ZFC3H1: variants seen among roughly 807,000 people sequenced by gnomAD.
The protein encoded by ZFC3H1 is zinc finger C3H1-type containing, also known as zinc finger C3H1 domain-containing protein.
ZFC3H1 carries 71 observed loss-of-function variants against 243.7 expected under a neutral mutation model. The ratio of observed to expected loss-of-function variants is 0.29; its 90% CI spans 0.24 to 0.36. ZFC3H1 has a LOEUF of 0.36. ZFC3H1 is among the 10% of genes least tolerant of loss of function. ZFC3H1 has a pLI of 1.00. For missense variants in ZFC3H1, 1,966 were observed against 2,317.1 expected (o/e 0.85, Z 3.11); for synonymous variants, 838 against 813.0 (o/e 1.03, Z -0.52).
chr12:71,628,733 G>A (rs1291336184), intron 20 of ZFC3H1, among the ~76,000 whole-genome samples, 185 bp downstream of exon 20: 1 of 152,090 alleles, frequency 6.6e-6, no homozygotes, highest in African/African-American at 2.4e-5. Flanking sequence ...CAAATATCCC[G>A]CAATTTCAGA....
At position 71,663,520 on chromosome 12, in the gene ZFC3H1, C is replaced by T. The variant is rs773825386; in HGVS notation, c.91G>A (p.Asp31Asn). The T allele has an allele frequency of 6.2e-6, 10 of 1,613,610 alleles. No homozygotes were observed. The highest frequency in any genetic ancestry group is 1.7e-5 in the Admixed American group (1 of 60,036). Residue 31 changes from aspartate to asparagine, a missense_variant, in exon 1 of 35, where the codon GAT (aspartate) becomes AAT (asparagine). Asp to Asn is a conservative substitution (Grantham distance 23, BLOSUM62 1). Around this residue, in one of 4 missense-constraint regions of ZFC3H1, gnomAD observed 484 missense variants for 449.7 expected, o/e 1.08. Transcript: ENST00000378743. ...CGACTCCGTATCTGGCTGTTATTAT[C>T]GTCGTCACTGATTTCCCCATCTTCA... Reference protein sequence around the residue: ...ELEDGEISDDDNNSQIRSRSS... With the variant: ...ELEDGEISDDNNNSQIRSRSS...
At chr12:71,631,057 A>G (rs1880309933) in intron 16 of ZFC3H1, 103 bp from the exon 17 acceptor site, 2 of 1,195,874 alleles carry the variant, frequency 1.7e-6, no homozygotes, top group Admixed American at 2.8e-5. Flanking sequence ...TTCCATGCTT[A>G]CTATTTATGA....
intron 2 of ZFC3H1, chr12:71,656,522 C>A: frequency 1.5e-6 from 1 of 659,002 alleles, no homozygotes; most frequent in Non-Finnish European, 2.7e-6. Context: ...AATTTCAAAC[C>A]AGGAATAGGA....
In ZFC3H1 at chr12:71,627,784, T is replaced by A; in HGVS notation, c.4097A>T (p.Lys1366Met). 6.2e-7 allele frequency: 1 copy of A among 1,613,436 alleles called. No homozygotes were observed. The highest frequency in any genetic ancestry group is 8.5e-7 in the Non-Finnish European group (1 of 1,179,752). Residue 1366 changes from lysine to methionine, a missense_variant, in exon 21 of 35, where the codon AAG becomes ATG. Physicochemically the swap from Lys to Met is moderately conservative, Grantham distance 95. This residue lies in a region of ZFC3H1 where 1,383 missense variants were observed against 1,723.7 expected (regional missense o/e 0.80). Coordinates refer to ENST00000378743, the MANE Select transcript of ZFC3H1 (RefSeq NM_144982.5). Reference protein sequence around the residue: ...ENPSHVQLWLKLAYKYLNQNE... With the variant: ...ENPSHVQLWLMLAYKYLNQNE... ...TTGATTCAAGTACTTGTACGCAAGC[T>A]TGAGCCAAAGTTGTACATGAGAAGG... is the stretch of plus-strand genomic sequence containing the variant.
In ZFC3H1 at chr12:71,636,992, A is replaced by G; in HGVS notation, c.1793T>C (p.Leu598Pro). 6.2e-7 allele frequency: 1 copy of G among 1,614,030 alleles called. No homozygotes were observed. Among genetic ancestry groups the G allele is most frequent in the Non-Finnish European group, 8.5e-7 (1 of 1,179,944 alleles). Residue 598 changes from leucine (L) to proline (P), a missense_variant, in exon 8 of 35, where the codon CTA (leucine) becomes CCA (proline). Transcript: ENST00000378743. Reference protein sequence around the residue: ...LCVSLEPLPPLPPLPPLPPED... With the variant: ...LCVSLEPLPPPPPLPPLPPED... ...AGGTGGGAGAGGTGGTAATGGTGGT[A>G]GAGGAGGTAGAGGTTCAAGAGAAAC...
At position 71,663,787 on chromosome 12, in the gene ZFC3H1, C is replaced by G; in HGVS notation, c.-177G>C. On this transcript the variant is annotated 5_prime_UTR_variant, in exon 1 of 35. Coordinates refer to ENST00000378743, the MANE Select transcript of ZFC3H1 (RefSeq NM_144982.5). The stretch of plus-strand genomic sequence containing the variant: ...CCCCAGCACCCCAGCTCTCTCTCGC[C>G]GGACCGTCGCAACCCAGTTCCCTTT... The G allele has an allele frequency of 1.4e-6, 1 of 692,394 alleles. No individual in the cohort carries two copies. The highest frequency in any genetic ancestry group is 1.9e-5 in the South Asian group (1 of 52,682). 42.9% of individuals were successfully genotyped at this position (692,394 alleles called of 1,614,324 possible).
At chr12:71,643,350 T>G (rs1189406847) in intron 5 of ZFC3H1, among the ~76,000 whole-genome samples, 1 of 151,596 alleles carries the variant, frequency 6.6e-6, no homozygotes, top group African/African-American at 2.4e-5. Context: ...GAGGTGGAGG[T>G]TGCAGTGAGC....
At position 71,613,395 on chromosome 12, in the gene ZFC3H1, T is replaced by C; in HGVS notation, c.5567A>G (p.His1856Arg). ...ACAAAACCGTTCCAAGGTTTTGGAATGCTGGGTCTTTGGAACACAGCTCAA... is the reference window on the plus strand; with the variant it reads ...ACAAAACCGTTCCAAGGTTTTGGAACGCTGGGTCTTTGGAACACAGCTCAA... ...FYLSCVPKTQ[H>R]SKTLERFCSV... Residue 1856 changes from histidine to arginine, a missense_variant, in exon 31 of 35, where the codon CAT (histidine) becomes CGT (arginine). By Grantham distance (29) the His-to-Arg change is conservative (BLOSUM62 0). Coordinates refer to ENST00000378743, the MANE Select transcript of ZFC3H1 (RefSeq NM_144982.5). 1 of 1,610,344 alleles carries C rather than the reference T, an allele frequency of 6.2e-7. No homozygotes were observed. Among genetic ancestry groups the C allele is most frequent in the Non-Finnish European group, 8.5e-7 (1 of 1,177,674 alleles).
At position 71,662,903 on chromosome 12, in the gene ZFC3H1, G is replaced by A. The variant is rs530308445; in HGVS notation, c.598+110C>T. On this transcript the variant is annotated intron_variant, in intron 1 of 34. Transcript: ENST00000378743. ...AACTTAAAGTATACTGACACAGGGA[G>A]AAATAAGCGGTTCTGATGATTCAAA... 1.0e-5 allele frequency: 11 copies of A among 1,093,724 alleles called. No individual in the cohort carries two copies. The African/African-American group carries it at 1.6e-4, about 16-fold the overall frequency. 67.8% of individuals were successfully genotyped at this position (1,093,724 alleles called of 1,614,324 possible).
rs566085973 is a variant in ZFC3H1, at chr12:71,611,104, G to GAA, written c.5730-9_5730-8dup. ...AATCTCAGCAGCAATGGCTCTAAGAGAAAAAAAAAAAAAAAGAAATATAGA... is the reference window on the plus strand; with the variant it reads ...AATCTCAGCAGCAATGGCTCTAAGAGAAAAAAAAAAAAAAAAAGAAATATAGA... On this transcript the variant is annotated splice_polypyrimidine_tract_variant and splice_region_variant and intron_variant, in intron 32 of 34. Coordinates refer to ENST00000378743, the MANE Select transcript of ZFC3H1 (RefSeq NM_144982.5). 0.061 allele frequency: 75,177 copies of GAA among 1,240,658 alleles called. 23 individuals are homozygous for GAA. Among genetic ancestry groups the GAA allele is most frequent in the Non-Finnish European group, 0.068 (64,169 of 949,224 alleles). The allele number at this position is 1,240,658 out of a possible 1,614,324, so 76.9% of individuals were successfully genotyped here.
At chr12:71,642,014 G>A (rs1180308294) in intron 6 of ZFC3H1, among the ~76,000 whole-genome samples, 6 of 151,916 alleles carry the variant, frequency 3.9e-5, no homozygotes, top group African/African-American at 7.3e-5. Context: ...CACACCCAGC[G>A]AATTTTTGTA....
At chr12:71,635,339 G>A in intron 10 of ZFC3H1, 104 bp downstream of exon 10, 1 of 1,379,748 alleles carries the variant, frequency 7.2e-7, no homozygotes, top group Non-Finnish European at 9.7e-7. Flanking sequence ...ACAAATCAAT[G>A]TTATTAAAAA....
chr12:71,638,222 T>C (rs542703370), intron 7 of ZFC3H1, among the ~76,000 whole-genome samples, 196 bp downstream of exon 7: 59 of 152,276 alleles, frequency 3.9e-4, no homozygotes, highest in African/African-American at 1.4e-3. Context: ...AAATTAAAAA[T>C]TAGCTATGAA....
At chr12:71,628,782 AC>A in intron 20 of ZFC3H1, 135 bp downstream of exon 20, 1 of 823,162 alleles carries the variant, frequency 1.2e-6, no homozygotes, top group Non-Finnish European at 1.8e-6. Flanking sequence ...TTGTCTAAAA[AC>A]CCAATGGCAT....
intron 6 of ZFC3H1, among the ~76,000 whole-genome samples, chr12:71,641,872 C>T (rs1880610198): frequency 6.6e-6 from 1 of 152,064 alleles, no homozygotes; most frequent in Non-Finnish European, 1.5e-5. Context: ...TTTTTTGAGA[C>T]AGAATCTTGC....
At chr12:71,628,054 T>A (rs1277941560) in intron 20 of ZFC3H1, 120 bp from the exon 21 acceptor site, 9 of 984,712 alleles carry the variant, frequency 9.1e-6, no homozygotes, top group Non-Finnish European at 1.5e-6. Context: ...TAATGACATG[T>A]ACTAGCTCAC....
Position 71,663,035 on chromosome 12 carries a change from C to G in ZFC3H1, c.576G>C (p.Glu192Asp). The change falls in exon 1 of 35, where the codon GAG (glutamate) becomes GAC (aspartate). Residue 192 changes from glutamate to aspartate, a missense_variant. Glu to Asp is a conservative substitution (Grantham distance 45). This residue lies in a region of ZFC3H1 where 484 missense variants were observed against 449.7 expected (regional missense o/e 1.08). Transcript: ENST00000378743. ...SGFSSSQSWR[E>D]PSPPRKSSKS... ...TACAGCTCTTCCGAGGTGGAGAGGGCTCTCGCCAGCTCTGACTGCTGCTGA... is the reference window on the plus strand; with the variant it reads ...TACAGCTCTTCCGAGGTGGAGAGGGGTCTCGCCAGCTCTGACTGCTGCTGA... 6.2e-7 allele frequency: 1 copy of G among 1,609,252 alleles called. No homozygotes were observed. The highest frequency in any genetic ancestry group is 8.5e-7 in the Non-Finnish European group (1 of 1,178,118).
At chr12:71,662,471 C>A (rs920910620) in intron 1 of ZFC3H1, among the ~76,000 whole-genome samples, 1 of 150,246 alleles carries the variant, frequency 6.7e-6, no homozygotes, top group African/African-American at 2.4e-5. Flanking sequence ...TTGGTAAAGA[C>A]ACCAGAGTTG....
At chr12:71,637,319 C>G (rs1370597486) in intron 7 of ZFC3H1, among the ~76,000 whole-genome samples, 1 of 152,134 alleles carries the variant, frequency 6.6e-6, no homozygotes, top group East Asian at 1.9e-4. Flanking sequence ...AGAAACTTCT[C>G]TGTTCCAATT....
Sources: allele counts gnomAD v4.1 joint callset (sites outside exome capture counted in the v4.1 genomes callset), GRCh38; gene constraint gnomAD v4.1.1; regional missense constraint gnomAD v4.1.1; transcripts MANE v1.5; gene names NCBI Gene and HGNC (gene_info 2026-07-23, HGNC 2026-07-21).